The following ZNF91 variants were observed in gnomAD, a reference collection of about 807,000 sequenced individuals.
The protein encoded by ZNF91 is zinc finger protein 91, also known as zinc finger protein 91 (HPF7, HTF10).
In ZNF91, 7 loss-of-function variants were observed where a neutral mutation model predicts 12.6. That is an observed-to-expected ratio of 0.55 (90% CI 0.31 to 1.04). The LOEUF (loss-of-function observed/expected upper bound fraction) is 1.04, where lower values mean the gene tolerates loss of function less well. Among genes scored for constraint, ZNF91 ranks in the 50% least tolerant of loss-of-function variants. The pLI, the probability that ZNF91 is intolerant of heterozygous loss-of-function variation, is 0.05. For synonymous variants in ZNF91, 453 were observed against 462.6 expected (o/e 0.98, Z 0.27); for missense variants, 1,217 against 1,385.4 (o/e 0.88, Z 1.93).
intron 1 of ZNF91, among the ~76,000 whole-genome samples, chr19:23,379,680 C>A (rs1383122971): frequency 6.6e-6 from 1 of 152,226 alleles, no homozygotes; most frequent in Admixed American, 6.5e-5. Flanking sequence ...GGTAGTTTTG[C>A]AACTTGAAGC....
chr19:23,328,694 G>A (rs1445521506), intron 1 of ZNF91: 2 of 152,200 alleles, frequency 1.3e-5, no homozygotes, highest in East Asian at 1.9e-4. Flanking sequence ...TCAGTTAGAA[G>A]GCTAGTTTAT....
intron 2 of ZNF91, 92 bp downstream of exon 2, chr19:23,374,546 C>G: frequency 8.1e-7 from 1 of 1,233,090 alleles, no homozygotes; most frequent in Non-Finnish European, 1.1e-6. Flanking sequence ...GGCAACAGAG[C>G]AAGACTCTGT....
rs74254895 is a variant in ZNF91, at chr19:23,320,353, T to A, written n.117-11256A>T. On this transcript the variant is annotated intron_variant and non_coding_transcript_variant, in intron 1 of 1. Transcript: ENST00000596528. ...TAATGCAGATTGCAATTCTCATGCATATCATATTGTATTAGTTCATTTTCA... is the reference window on the plus strand; with the variant it reads ...TAATGCAGATTGCAATTCTCATGCAAATCATATTGTATTAGTTCATTTTCA... Among the ~76,000 whole-genome samples, 716 of 152,294 alleles carry A rather than the reference T, an allele frequency of 4.7e-3. 14 individuals are homozygous for A. Among genetic ancestry groups the A allele is most frequent in the Admixed American group, 0.036 (546 of 15,302 alleles).
rs1178549827 is a variant in ZNF91, at chr19:23,360,541, A to C, written c.2438T>G (p.Leu813Arg). 4 of 1,613,780 alleles carry C rather than the reference A, an allele frequency of 2.5e-6. No individual in the cohort carries two copies. Among genetic ancestry groups the C allele is most frequent in the Non-Finnish European group, 3.4e-6 (4 of 1,179,938 alleles). Residue 813 changes from leucine to arginine, a missense_variant, in exon 4 of 4, where the codon CTT becomes CGT. By Grantham distance (102) the Leu-to-Arg change is moderately radical. Coordinates refer to ENST00000300619, the MANE Select transcript of ZNF91 (RefSeq NM_003430.4). ...CGKAFSRSST[L>R]TKHKTIHTGE... is the part of the protein sequence containing the mutation. ...AGTATGAATTGTCTTATGCTTAGTA[A>C]GGGTTGAGGAACGGCTAAAAGCTTT...
At chr19:23,354,538 G>A (rs958811895), downstream of ZNF91, among the ~76,000 whole-genome samples, 1 of 152,106 alleles carries the variant, frequency 6.6e-6, no homozygotes, top group African/African-American at 2.4e-5. Flanking sequence ...AAAGTTGAAA[G>A]CATTTCCTTT....
chr19:23,327,150 T>C (rs1223255868), intron 1 of ZNF91: 1 of 152,170 alleles, frequency 6.6e-6, no homozygotes, highest in East Asian at 1.9e-4. Context: ...AAAAATTGAA[T>C]GCAATACCAG....
chr19:23,371,058 A>T (rs1303901915), intron 3 of ZNF91, among the ~76,000 whole-genome samples: 1 of 152,098 alleles, frequency 6.6e-6, no homozygotes, highest in Non-Finnish European at 1.5e-5. Context: ...GTGAACTAAG[A>T]GGCTGGGCAA....
chr19:23,307,967 C>A (rs1184151881), intron 2 of ZNF91: 3 of 152,264 alleles, frequency 2.0e-5, no homozygotes, highest in Non-Finnish European at 2.9e-5. Context: ...TGATGTGACT[C>A]TCCCGCATGG....
Position 23,374,705 on chromosome 19 carries a change from C to T in ZNF91, c.90G>A (p.Leu30=), listed in dbSNP as rs565304489. 6.2e-6 allele frequency: 10 copies of T among 1,612,978 alleles called. No homozygotes were observed. In the East Asian group the frequency reaches 1.1e-4, roughly 18 times the overall value. Residue 30 remains leucine, a synonymous_variant, in exon 2 of 4, where the codon CTG becomes CTA. Transcript: ENST00000300619. The stretch of plus-strand genomic sequence containing the variant: ...TATATAAATTCTGCTGTGCAGTGTC[C>T]AGACATTGCCACTCCTCCGGAGAGA... ...IEFSPEEWQC[L]DTAQQNLYRN...
Position 23,359,745 on chromosome 19 carries a change from G to T in ZNF91, c.3234C>A (p.Tyr1078Ter). Reference protein sequence around the residue: ...HKRIHTREKPYKCEECGKAFS... With the variant: ...HKRIHTREKP ...ATGCTTTGCCACATTCTTCACATTT[G>T]TAGGGTTTCTCTCTAGTATGAATTC... The change falls in exon 4 of 4, where the codon TAC (tyrosine) becomes TAA (stop). Residue 1078 changes from tyrosine to a stop codon, truncating the protein, a stop_gained. Transcript: ENST00000300619. LOFTEE classifies it low-confidence loss of function (END_TRUNC). The T allele has an allele frequency of 1.2e-6, 2 of 1,614,090 alleles. No homozygotes were observed. The highest frequency in any genetic ancestry group is 1.7e-6 in the Non-Finnish European group (2 of 1,180,002).
At chr19:23,383,468 G>A (rs748961255) in intron 1 of ZNF91, among the ~76,000 whole-genome samples, 3 of 152,036 alleles carry the variant, frequency 2.0e-5, no homozygotes, top group African/African-American at 7.2e-5. Context: ...CAGGTGGATC[G>A]CCTGAGGTCA....
At chr19:23,363,165 G>A (rs1968880042) in intron 3 of ZNF91, among the ~76,000 whole-genome samples, 1 of 152,202 alleles carries the variant, frequency 6.6e-6, no homozygotes, top group Admixed American at 6.5e-5. Context: ...AGCTTTTCCT[G>A]CTTCCCATTA....
intron 1 of ZNF91, chr19:23,385,014 C>T (rs1211632876): frequency 2.2e-5 from 27 of 1,218,754 alleles, no homozygotes; most frequent in Middle Eastern, 2.0e-4. Flanking sequence ...TGTTGGAGAA[C>T]GGGACAGTCC....
downstream of ZNF91, among the ~76,000 whole-genome samples, chr19:23,357,293 C>A (rs547258530): frequency 7.4e-4 from 112 of 152,152 alleles, no homozygotes; most frequent in African/African-American, 2.1e-3. Flanking sequence ...ACAACAACAA[C>A]AAAAAATTAT....
intron 3 of ZNF91, among the ~76,000 whole-genome samples, chr19:23,371,800 C>T (rs967557249): frequency 6.6e-6 from 1 of 152,068 alleles, no homozygotes; most frequent in East Asian, 1.9e-4. Context: ...AAATGTAGTA[C>T]AATCATAAAT....
At chr19:23,323,593 TTCCTTCTTTTCCTCC>T (rs896062257) in intron 1 of ZNF91, among the ~76,000 whole-genome samples, 1 of 143,668 alleles carries the variant, frequency 7.0e-6, no homozygotes, top group African/African-American at 2.7e-5. Flanking sequence ...CATCCTCCTT[TTCCTTCTTTTCCTCC>T]TCCTTTTCTC....
Position 23,359,646 on chromosome 19 carries a change from A to G in ZNF91, c.3333T>C (p.Cys1111=), listed in dbSNP as rs1445224644. 1 of 1,614,008 alleles carries G rather than the reference A, an allele frequency of 6.2e-7. No homozygotes were observed. The highest frequency in any genetic ancestry group is 8.5e-7 in the Non-Finnish European group (1 of 1,180,016). The stretch of plus-strand genomic sequence containing the variant: ...CTGAGGACTCTTTAAAGGCTTTGCC[A>G]CATTCTCCACATTTGTAGGGTTTCT... The part of the protein sequence containing the change: ...TGEKPYKCGE[C]GKAFKESSAL... The change falls in exon 4 of 4, where the codon TGT becomes TGC. Residue 1111 remains cysteine (C), a synonymous_variant. Coordinates refer to ENST00000300619, the MANE Select transcript of ZNF91 (RefSeq NM_003430.4).
chr19:23,366,024 C>T (rs1216913628), intron 3 of ZNF91, among the ~76,000 whole-genome samples: 1 of 152,244 alleles, frequency 6.6e-6, no homozygotes, highest in Admixed American at 6.5e-5. Flanking sequence ...ACCTTTCCCC[C>T]TCCTCTATTC....
At chr19:23,390,705 C>A (rs1165095075) in intron 1 of ZNF91, among the ~76,000 whole-genome samples, 1 of 152,150 alleles carries the variant, frequency 6.6e-6, no homozygotes, top group Admixed American at 6.5e-5. Flanking sequence ...TGACCACAGG[C>A]GTGTGCCACC....
Sources: allele counts gnomAD v4.1 joint callset (sites outside exome capture counted in the v4.1 genomes callset), GRCh38; gene constraint gnomAD v4.1.1; transcripts MANE v1.5; gene names NCBI Gene and HGNC (gene_info 2026-07-23, HGNC 2026-07-21).